Variants in PLEKHA1 observed in about 807,000 individuals in gnomAD.
The protein encoded by PLEKHA1 is pleckstrin homology domain-containing family A member 1.
Under a neutral mutation model 52.0 loss-of-function variants are expected in PLEKHA1, and 34 were observed. The ratio of observed to expected loss-of-function variants is 0.65; its 90% CI spans 0.50 to 0.87. The LOEUF (loss-of-function observed/expected upper bound fraction) is 0.87, where lower values mean the gene tolerates loss of function less well. Ranked by LOEUF, PLEKHA1 falls within the 40% of genes least tolerant of loss-of-function variation. PLEKHA1 has a pLI of 0.00. For synonymous variants in PLEKHA1, 163 were observed against 170.7 expected, an observed-to-expected ratio of 0.95 and a Z score of 0.35; for missense variants, 497 against 504.2, an observed-to-expected ratio of 0.99 and a Z score of 0.14.
At chr10:122,438,209 A>T in the PLEKHA1 span, 1 of 152,276 alleles carries the variant, frequency 6.6e-6, no homozygotes, top group Admixed American at 6.5e-5. Flanking sequence ...GTGAGCTGTG[A>T]TTGTGCCACT....
At chr10:122,395,865 C>T (rs4146894) in intron 2 of PLEKHA1, among the ~76,000 whole-genome samples, 72,560 of 151,738 alleles carry the variant, frequency 0.48, 17,950 homozygotes, top group East Asian at 0.62. Context: ...AGTTGCTGTA[C>T]GAGGGAGTGC....
In PLEKHA1 at chr10:122,378,557, G is replaced by A. The variant is rs567394772; in HGVS notation, c.-21+3751G>A. The stretch of plus-strand genomic sequence containing the variant: ...TTGAGACCAGCCTGGGCAACATGAC[G>A]AAACCTTGTCTCTACAGAAAATAGA... On this transcript the variant is annotated intron_variant, in intron 1 of 11. Coordinates refer to ENST00000368990, the MANE Select transcript of PLEKHA1 (RefSeq NM_001001974.4). Among the ~76,000 whole-genome samples the A allele has an allele frequency of 4.6e-5, 7 of 152,008 alleles. No homozygotes were observed. The East Asian group carries it at 5.8e-4, about 13-fold the overall frequency.
intron 2 of PLEKHA1, among the ~76,000 whole-genome samples, chr10:122,396,356 A>G (rs2096849404): frequency 6.6e-6 from 1 of 152,152 alleles, no homozygotes; most frequent in Non-Finnish European, 1.5e-5. Flanking sequence ...AAAACCAAAA[A>G]CCCATAAATC....
At chr10:122,421,322 A>G (rs147833620) in intron 8 of PLEKHA1, 84 of 152,302 alleles carry the variant, frequency 5.5e-4, no homozygotes, top group African/African-American at 2.0e-3. Context: ...CAAAATAACT[A>G]CCTTGCAATC....
chr10:122,400,268 A>G, intron 3 of PLEKHA1, 75 bp from the exon 4 acceptor site: 2 of 1,145,214 alleles, frequency 1.7e-6, no homozygotes, highest in Non-Finnish European at 1.2e-6. Flanking sequence ...TACATGTGGA[A>G]GTTTACATAG....
At chr10:122,396,160 A>G (rs2096846915) in intron 2 of PLEKHA1, among the ~76,000 whole-genome samples, 1 of 152,048 alleles carries the variant, frequency 6.6e-6, no homozygotes, top group Non-Finnish European at 1.5e-5. Flanking sequence ...TTGGTTTCTC[A>G]TTTGTCTTCC....
rs932520847 is a variant in PLEKHA1, at chr10:122,393,044, CAG to C, written c.-20-135_-20-134del. ...TCAAAAGTGATTTTTGTCAATGCCT[CAG>C]ATGTTGGTGTGTGTTCATTTTAATT... On this transcript the variant is annotated intron_variant, in intron 1 of 11. Coordinates refer to ENST00000368990, the MANE Select transcript of PLEKHA1 (RefSeq NM_001001974.4). The surrounding 1 kb of genome is among the most constrained non-coding windows in gnomAD (Gnocchi z 4.5). The C allele has an allele frequency of 1.1e-5, 6 of 565,566 alleles. No homozygotes were observed. Among genetic ancestry groups the C allele is most frequent in the Non-Finnish European group, 1.8e-5 (6 of 342,754 alleles). 35.0% of individuals were successfully genotyped at this position (565,566 alleles called of 1,614,324 possible).
In PLEKHA1 at chr10:122,417,476, C is replaced by T. The variant is rs528833420; in HGVS notation, c.613-424C>T. On this transcript the variant is annotated intron_variant, in intron 7 of 11. Coordinates refer to ENST00000368990, the MANE Select transcript of PLEKHA1 (RefSeq NM_001001974.4). ...CCAGCCTGACTAACATGGTGAAACC[C>T]TGTCTCTACTAAAAATACAAAAATT... Among the ~76,000 whole-genome samples, 167 of 151,886 alleles carry T rather than the reference C, an allele frequency of 1.1e-3. No homozygotes were observed. In the Middle Eastern group the frequency reaches 0.014, roughly 12 times the overall value.
chr10:122,427,943 GATAA>G (rs1361128099), intron 11 of PLEKHA1, among the ~76,000 whole-genome samples: 1 of 152,158 alleles, frequency 6.6e-6, no homozygotes, highest in Non-Finnish European at 1.5e-5. Context: ...GATAACTACA[GATAA>G]ATAAATAGAA....
intron 4 of PLEKHA1, among the ~76,000 whole-genome samples, chr10:122,405,342 AAAAC>A (rs2096993195): frequency 6.6e-6 from 1 of 152,148 alleles, no homozygotes; most frequent in African/African-American, 2.4e-5. Flanking sequence ...CTGTTAAAGT[AAAAC>A]AGACTGGGTA....
In PLEKHA1 at chr10:122,412,824, G is replaced by A. The variant is rs546182583; in HGVS notation, c.343-96G>A. The stretch of plus-strand genomic sequence containing the variant: ...TAATTTTTATATGTATCTGTCAACC[G>A]TATGCAAACGGATGAATAATTAGAA... On this transcript the variant is annotated intron_variant, in intron 5 of 11. Coordinates refer to ENST00000368990, the MANE Select transcript of PLEKHA1 (RefSeq NM_001001974.4). 73 of 1,349,962 alleles carry A rather than the reference G, an allele frequency of 5.4e-5. No individual in the cohort carries two copies. In the Middle Eastern group the frequency reaches 5.6e-4, roughly 10 times the overall value. The allele number at this position is 1,349,962 out of a possible 1,614,324, so 83.6% of individuals were successfully genotyped here.
At chr10:122,395,610 ATGGTTCAAT>A (rs563822133) in intron 2 of PLEKHA1, among the ~76,000 whole-genome samples, 2,105 of 152,272 alleles carry the variant, frequency 0.014, 28 homozygotes, top group Non-Finnish European at 0.018. Context: ...GCAATGTCAT[ATGGTTCAAT>A]CTAGTTGCTT....
intron 1 of PLEKHA1, among the ~76,000 whole-genome samples, chr10:122,391,756 C>A (rs1172253577): frequency 6.6e-6 from 1 of 151,022 alleles, no homozygotes; most frequent in African/African-American, 2.4e-5. Flanking sequence ...TTTTTACAAA[C>A]ATGGTAAATT....
Position 122,430,056 on chromosome 10 carries a change from AGG to A in PLEKHA1, c.*119_*120del. On this transcript the variant is annotated 3_prime_UTR_variant, in exon 12 of 12. Coordinates refer to ENST00000368990, the MANE Select transcript of PLEKHA1 (RefSeq NM_001001974.4). ...TAGTGCGTATATTATACTGCCTCTTAGGTGTACTCTTTATAAGCTGGTAAACC... is the reference window on the plus strand; with the variant it reads ...TAGTGCGTATATTATACTGCCTCTTATGTACTCTTTATAAGCTGGTAAACC... 9.1e-7 allele frequency: 1 copy of A among 1,096,664 alleles called. No individual in the cohort carries two copies. Among genetic ancestry groups the A allele is most frequent in the Non-Finnish European group, 1.3e-6 (1 of 784,636 alleles). 67.9% of individuals were successfully genotyped at this position (1,096,664 alleles called of 1,614,324 possible).
At chr10:122,440,698 C>T in the PLEKHA1 span, 2 of 152,212 alleles carry the variant, frequency 1.3e-5, no homozygotes, top group South Asian at 4.1e-4. Flanking sequence ...TCTCCTTTCA[C>T]TGTAGTCCCT....
intron 5 of PLEKHA1, chr10:122,412,299 G>A (rs2097116281): frequency 6.6e-6 from 1 of 152,062 alleles, no homozygotes; most frequent in African/African-American, 2.4e-5. Flanking sequence ...CTTCTGATTT[G>A]TTTTAAGAAT....
chr10:122,398,564 AGT>A (rs1164087239), intron 3 of PLEKHA1, among the ~76,000 whole-genome samples: 4 of 150,526 alleles, frequency 2.7e-5, no homozygotes, highest in South Asian at 2.1e-4. Flanking sequence ...TAGGGAACTA[AGT>A]GATGCTGAGG....
chr10:122,387,709 A>G (rs1324961421), intron 1 of PLEKHA1: 1 of 152,180 alleles, frequency 6.6e-6, no homozygotes, highest in Non-Finnish European at 1.5e-5. Flanking sequence ...ACTGGGCTGG[A>G]TGGTCAAGAT....
intron 6 of PLEKHA1, among the ~76,000 whole-genome samples, chr10:122,414,251 T>A (rs2097144414): frequency 6.6e-6 from 1 of 152,134 alleles, no homozygotes; most frequent in South Asian, 2.1e-4. Flanking sequence ...GTTAAGACAC[T>A]GTATTAGTTT....
Sources: gnomAD v4.1 joint callset for allele counts (sites outside exome capture counted in the v4.1 genomes callset) on GRCh38, gnomAD v4.1.1 for gene constraint, Gnocchi (gnomAD v3.1) non-coding constraint, MANE v1.5 for transcripts, NCBI Gene and HGNC (gene_info 2026-07-23, HGNC 2026-07-21) for gene names.